The following PRRC2A variants were observed in gnomAD, a reference collection of about 807,000 sequenced individuals.
PRRC2A encodes proline rich coiled-coil 2A.
In PRRC2A, 59 loss-of-function variants were observed where a neutral mutation model predicts 224.6. That is an observed-to-expected ratio of 0.26 (90% CI 0.21 to 0.33). The LOEUF (loss-of-function observed/expected upper bound fraction) is 0.33. Ranked by LOEUF, PRRC2A falls within the 10% of genes least tolerant of loss-of-function variation. The pLI, the probability that PRRC2A is intolerant of heterozygous loss-of-function variation, is 1.00. For missense variants in PRRC2A, 3,095 were observed against 2,880.7 expected, an observed-to-expected ratio of 1.07 and a Z score of -1.70; for synonymous variants, 1,194 against 1,109.5, an observed-to-expected ratio of 1.08 and a Z score of -1.51.
rs754890034 is a variant in PRRC2A, at chr6:31,627,228, G to C, written c.1290+30G>C. The C allele has an allele frequency of 6.8e-7, 1 of 1,465,462 alleles. No individual in the cohort carries two copies. The highest frequency in any genetic ancestry group is 1.2e-5 in the South Asian group (1 of 86,036). The allele number at this position is 1,465,462 out of a possible 1,614,324, so 90.8% of individuals were successfully genotyped here. On this transcript the variant is annotated intron_variant, in intron 11 of 30. Transcript: ENST00000376033. The surrounding 1 kb of genome is among the most constrained non-coding windows in gnomAD (Gnocchi z 5.6). ...GTGTCTCCAATAAGGGATTGAGAGGGTCAGCTGTGGGAAATTGGTGTCAGC... is the reference window on the plus strand; with the variant it reads ...GTGTCTCCAATAAGGGATTGAGAGGCTCAGCTGTGGGAAATTGGTGTCAGC...
chr6:31,629,883 C>G, intron 14 of PRRC2A, 38 bp downstream of exon 14: 1 of 1,608,784 alleles, frequency 6.2e-7, no homozygotes, highest in Non-Finnish European at 8.5e-7. Context: ...CAGGAAAGTC[C>G]CCTCAGTCTT....
Position 31,629,203 on chromosome 6 carries a change from A to C in PRRC2A, c.1825A>C (p.Thr609Pro), listed in dbSNP as rs1301248001. ...PEPPEEVPPPTTPPVPKVEPK... is the reference protein window; with the variant it reads ...PEPPEEVPPPPTPPVPKVEPK... ...ACCACCAGAAGAGGTTCCTCCTCCT[A>C]CCACACCCCCAGTTCCAAAGGTGGA... Residue 609 changes from threonine (T) to proline (P), a missense_variant, in exon 13 of 31, where the codon ACC (threonine) becomes CCC (proline). Coordinates refer to ENST00000376033, the MANE Select transcript of PRRC2A (RefSeq NM_004638.4). The C allele has an allele frequency of 6.2e-7, 1 of 1,613,936 alleles. No individual in the cohort carries two copies. Among genetic ancestry groups the C allele is most frequent in the Non-Finnish European group, 8.5e-7 (1 of 1,179,992 alleles).
chr6:31,632,203 C>A lies in PRRC2A; in HGVS notation c.3530C>A (p.Pro1177His). The change falls in exon 16 of 31, where the codon CCC becomes CAC. Residue 1177 changes from proline to histidine, a missense_variant. Physicochemically the swap from Pro to His is moderately conservative, Grantham distance 77 (BLOSUM62 -2). Transcript: ENST00000376033. ...PSRRGRGGGR[P>H]PPQVCPGWSP... is the part of the protein sequence containing the mutation. ...CGCCGGGGCCGAGGAGGAGGGAGGC[C>A]CCCTCCTCAAGTTTGCCCAGGCTGG... 6.2e-7 allele frequency: 1 copy of A among 1,606,768 alleles called. No individual in the cohort carries two copies. The highest frequency in any genetic ancestry group is 8.5e-7 in the Non-Finnish European group (1 of 1,177,506).
At chr6:31,629,383 C>A in intron 13 of PRRC2A, 49 bp downstream of exon 13, 1 of 1,523,206 alleles carries the variant, frequency 6.6e-7, no homozygotes, top group South Asian at 1.3e-5. Flanking sequence ...TTCCTGGCTT[C>A]GGTCCCTAAT....
chr6:31,626,674 A>G (rs1446924513), intron 9 of PRRC2A, 98 bp from the exon 10 acceptor site: 22 of 1,049,094 alleles, frequency 2.1e-5, no homozygotes, highest in African/African-American at 4.8e-5. Context: ...AGGGAAGGAT[A>G]TTGGCATTGG....
In PRRC2A at chr6:31,631,131, C is replaced by A; in HGVS notation, c.2466-8C>A. 1 of 1,483,316 alleles carries A rather than the reference C, an allele frequency of 6.7e-7. No individual in the cohort carries two copies. The highest frequency in any genetic ancestry group is 1.3e-5 in the South Asian group (1 of 74,958). The allele number at this position is 1,483,316 out of a possible 1,614,324, so 91.9% of individuals were successfully genotyped here. A position where few individuals can be genotyped will look rare whatever the true frequency, so the allele number is the denominator to read the frequency against. On this transcript the variant is annotated splice_polypyrimidine_tract_variant and splice_region_variant and intron_variant, in intron 15 of 30. Transcript: ENST00000376033. The surrounding 1 kb of genome is among the most constrained non-coding windows in gnomAD (Gnocchi z 4.5). ...ACTTATTTCCATTCTTTCTGTCTGT[C>A]TCTTCAGGAGCGAGACTCCTCCAGT...
rs1307258704 is a variant in PRRC2A, at chr6:31,627,985, T to C, written c.1511T>C (p.Leu504Pro). 6.2e-7 allele frequency: 1 copy of C among 1,612,916 alleles called. No individual in the cohort carries two copies. Among genetic ancestry groups the C allele is most frequent in the African/African-American group, 1.3e-5 (1 of 75,026 alleles). Residue 504 changes from leucine to proline, a missense_variant, in exon 12 of 31, where the codon CTC (leucine) becomes CCC (proline). Leu to Pro is a moderately conservative substitution (Grantham distance 98, BLOSUM62 -3). This residue lies in a region of PRRC2A where 2,001 missense variants were observed against 1,764.9 expected (regional missense o/e 1.13). Coordinates refer to ENST00000376033, the MANE Select transcript of PRRC2A (RefSeq NM_004638.4). This position sits in a 1 kb window ranked among gnomAD's most constrained non-coding sequence, Gnocchi z 5.6. ...AAGTTTGGGGCACCTGACAAGCGGC[T>C]CAAAGCAGAGCCTGCTGCCCCACCT... ...DEKFGAPDKR[L>P]KAEPAAPPAA...
In PRRC2A at chr6:31,635,424, A is replaced by G. The variant is rs1777221066; in HGVS notation, c.5332A>G (p.Ser1778Gly). The change falls in exon 23 of 31, where the codon AGC becomes GGC. Residue 1778 changes from serine (S) to glycine (G), a missense_variant. Coordinates refer to ENST00000376033, the MANE Select transcript of PRRC2A (RefSeq NM_004638.4). ...DSDLRLVVGD[S>G]LKAEKELTAS... ...AGACTTACGCCTAGTGGTAGGAGAC[A>G]GCTTGAAAGCAGAGAAGGAGCTAAC... The G allele has an allele frequency of 1.2e-6, 2 of 1,614,276 alleles. 1 individual carries two copies. The highest frequency in any genetic ancestry group is 4.5e-5 in the East Asian group (2 of 44,894).
chr6:31,633,419 C>A lies in PRRC2A; in HGVS notation c.4360C>A (p.Pro1454Thr), dbSNP rs1776917606. 1 of 1,612,916 alleles carries A rather than the reference C, an allele frequency of 6.2e-7. No individual in the cohort carries two copies. Among genetic ancestry groups the A allele is most frequent in the Non-Finnish European group, 8.5e-7 (1 of 1,179,998 alleles). Reference sequence around the variant, plus strand: ...GCGTCCCCCGGGGCTTCCCCTGCCTCCCCCACCTCCCAGCAGTTCTGCTGT... The same window carrying A: ...GCGTCCCCCGGGGCTTCCCCTGCCTACCCCACCTCCCAGCAGTTCTGCTGT... ...EERPPGLPLPPPPPSSSAVFR... is the reference protein window; with the variant it reads ...EERPPGLPLPTPPPSSSAVFR... Residue 1454 changes from proline to threonine, a missense_variant, in exon 17 of 31, where the codon CCC (proline) becomes ACC (threonine). By Grantham distance (38) the Pro-to-Thr change is conservative. Transcript: ENST00000376033.
At position 31,628,226 on chromosome 6, in the gene PRRC2A, C is replaced by T. The variant is rs745914042; in HGVS notation, c.1752C>T (p.Phe584=). ...GSTSSTSSGS[F]EASPVEPQLP... ...CCAGTAGCACCAGCAGTGGCAGCTTCGAAGCCAGCCCAGGTATGGAGATGG... is the reference window on the plus strand; with the variant it reads ...CCAGTAGCACCAGCAGTGGCAGCTTTGAAGCCAGCCCAGGTATGGAGATGG... Residue 584 remains phenylalanine, a synonymous_variant, in exon 12 of 31, where the codon TTC becomes TTT. Coordinates refer to ENST00000376033, the MANE Select transcript of PRRC2A (RefSeq NM_004638.4). The T allele has an allele frequency of 5.0e-6, 8 of 1,610,506 alleles. No homozygotes were observed. Among genetic ancestry groups the T allele is most frequent in the South Asian group, 3.3e-5 (3 of 91,060 alleles).
chr6:31,629,877 A>G, intron 14 of PRRC2A, 32 bp downstream of exon 14: 1 of 1,609,522 alleles, frequency 6.2e-7, no homozygotes, highest in East Asian at 2.2e-5. Context: ...GAGAAACAGG[A>G]AAGTCCCCTC....
chr6:31,623,110 G>C, intron 2 of PRRC2A: 2 of 761,874 alleles, frequency 2.6e-6, no homozygotes, highest in Non-Finnish European at 4.8e-6. Flanking sequence ...GTGGTTCCCT[G>C]TCTTTGGACA....
chr6:31,633,899 G>A lies in PRRC2A; in HGVS notation c.4629G>A (p.Val1543=). The change falls in exon 18 of 31, where the codon GTG becomes GTA. Residue 1543 remains valine, a synonymous_variant. Coordinates refer to ENST00000376033, the MANE Select transcript of PRRC2A (RefSeq NM_004638.4). ...FEEPGPMVRG[V]GGTPRDSAGV... ...AGCCGGGGCCAATGGTGAGAGGGGT[G>A]GGTGGGACTCCTCGGGACTCTGCCG... is the stretch of plus-strand genomic sequence containing the variant. 1 of 1,582,476 alleles carries A rather than the reference G, an allele frequency of 6.3e-7. No individual in the cohort carries two copies. The highest frequency in any genetic ancestry group is 8.5e-7 in the Non-Finnish European group (1 of 1,172,528).
In PRRC2A at chr6:31,636,964, G is replaced by T; in HGVS notation, c.6147+19G>T. ...AGCAGAGGTAAGGTACAGGAACTGA[G>T]GGGCTAGGGAGCGCCAAGACTTGGG... is the stretch of plus-strand genomic sequence containing the variant. On this transcript the variant is annotated intron_variant, in intron 28 of 30. Transcript: ENST00000376033. The surrounding 1 kb of genome is among the most constrained non-coding windows in gnomAD (Gnocchi z 4.3). 1 of 1,605,872 alleles carries T rather than the reference G, an allele frequency of 6.2e-7. No individual in the cohort carries two copies. The highest frequency in any genetic ancestry group is 8.5e-7 in the Non-Finnish European group (1 of 1,174,948).
chr6:31,633,078 G>C (rs1776861913), intron 16 of PRRC2A, 86 bp downstream of exon 16: 1 of 1,421,464 alleles, frequency 7.0e-7, no homozygotes, highest in Non-Finnish European at 9.2e-7. Context: ...TGGGTGGAGT[G>C]GAGATTGTGG....
At chr6:31,635,368 T>C (rs1314053044) in intron 22 of PRRC2A, 26 bp from the exon 23 acceptor site, 1 of 1,614,136 alleles carries the variant, frequency 6.2e-7, no homozygotes, top group South Asian at 1.1e-5. Context: ...CACGGGACAA[T>C]GTCTCCTGCC....
In PRRC2A at chr6:31,631,386, G is replaced by A. The variant is rs759776981; in HGVS notation, c.2713G>A (p.Gly905Arg). 1.2e-5 allele frequency: 20 copies of A among 1,605,800 alleles called. No homozygotes were observed. The highest frequency in any genetic ancestry group is 1.1e-4 in the South Asian group (10 of 90,336). Residue 905 changes from glycine to arginine, a missense_variant, in exon 16 of 31, where the codon GGA (glycine) becomes AGA (arginine). Gly to Arg is a moderately radical substitution (Grantham distance 125, BLOSUM62 -2). Coordinates refer to ENST00000376033, the MANE Select transcript of PRRC2A (RefSeq NM_004638.4). The surrounding 1 kb of genome is among the most constrained non-coding windows in gnomAD (Gnocchi z 4.5). ...AGAAGCAGGCCGAAAGCCTGCCCGC[G>A]GAGTCGGGAGTGGAGGCCAGGGCCC... ...GPEAGRKPAR[G>R]VGSGGQGPPP... is the part of the protein sequence containing the mutation.
chr6:31,633,769 A>G, intron 17 of PRRC2A, 90 bp from the exon 18 acceptor site: 1 of 1,529,730 alleles, frequency 6.5e-7, no homozygotes, highest in Non-Finnish European at 8.7e-7. Flanking sequence ...GCAGGGAGCA[A>G]GGGTAGAAGA....
Position 31,625,192 on chromosome 6 carries a change from T to C in PRRC2A, c.485T>C (p.Leu162Pro), listed in dbSNP as rs1239808721. Residue 162 changes from leucine (L) to proline (P), a missense_variant, in exon 6 of 31, where the codon CTG becomes CCG. Around this residue, in one of 8 missense-constraint regions of PRRC2A, gnomAD observed 287 missense variants for 275.3 expected, o/e 1.04. Coordinates refer to ENST00000376033, the MANE Select transcript of PRRC2A (RefSeq NM_004638.4). This position sits in a 1 kb window ranked among gnomAD's most constrained non-coding sequence, Gnocchi z 4.1. ...HGDGGRASSL[L>P]SRFSREEFPT... is the part of the protein sequence containing the mutation. ...ATAGGTGGAAGGGCATCAAGCCTACTGTCACGATTCTCTCGAGAGGAATTT... is the reference window on the plus strand; with the variant it reads ...ATAGGTGGAAGGGCATCAAGCCTACCGTCACGATTCTCTCGAGAGGAATTT... 1.2e-6 allele frequency: 2 copies of C among 1,613,008 alleles called. No individual in the cohort carries two copies. The highest frequency in any genetic ancestry group is 1.3e-5 in the African/African-American group (1 of 75,064).
Sources: gnomAD v4.1 joint callset for allele counts on GRCh38, gnomAD v4.1.1 for gene constraint, gnomAD v4.1.1 regional missense constraint, Gnocchi (gnomAD v3.1) non-coding constraint, MANE v1.5 for transcripts, NCBI Gene and HGNC (gene_info 2026-07-23, HGNC 2026-07-21) for gene names.